CCDC33: variants seen among roughly 807,000 people sequenced by gnomAD.
CCDC33 encodes the protein coiled-coil domain-containing protein 33.
In CCDC33, 94 loss-of-function variants were observed where a neutral mutation model predicts 91.9. The observed-to-expected ratio is 1.02, with a 90% CI of 0.87 to 1.21. CCDC33 has a LOEUF of 1.21. CCDC33 is among the 50% of genes most tolerant of loss of function. The pLI is 0.00. For synonymous variants in CCDC33, 396 were observed against 374.5 expected, an observed-to-expected ratio of 1.06 and a Z score of -0.66; for missense variants, 940 against 935.5, an observed-to-expected ratio of 1.00 and a Z score of -0.06.
rs1566987067 is a variant in CCDC33 at position 74,271,737 on chromosome 15, A to G, written c.581A>G (p.Asn194Ser). 1.2e-6 allele frequency: 2 copies of G among 1,613,800 alleles called. No individual in the cohort carries two copies. Among genetic ancestry groups the G allele is most frequent in the East Asian group, 4.5e-5 (2 of 44,864 alleles). ...CGGGGAGTCAACGAGCCCCTGGCCA[A>G]CAACCCCAACCCCATAGTGGTGATT... ...FLRGVNEPLA[N>S]NPNPIVVIAR... Residue 194 changes from asparagine (N) to serine (S), a missense_variant, in exon 6 of 19, where the codon AAC (asparagine) becomes AGC (serine). By Grantham distance (46) the Asn-to-Ser change is conservative. Coordinates refer to ENST00000398814, the MANE Select transcript of CCDC33 (RefSeq NM_025055.5).
exon 3 of CCDC33, chr15:74,212,192 G>A (rs920096776): frequency 5.9e-5 from 9 of 152,436 alleles, no homozygotes; most frequent in Non-Finnish European, 1.0e-4. Flanking sequence ...AGAGTCTACA[G>A]GGCCCTGGGC....
In CCDC33 at chr15:74,330,972, A is replaced by C; in HGVS notation, c.1546-9A>C. On this transcript the variant is annotated splice_polypyrimidine_tract_variant and intron_variant, in intron 13 of 18. Transcript: ENST00000398814. ...ATTCTCTCCCCTTCTCTCCTCCCCC[A>C]TCTCACAGAAGAATGATCGAGAGAA... The C allele has an allele frequency of 6.3e-7, 1 of 1,576,648 alleles. No individual in the cohort carries two copies. The highest frequency in any genetic ancestry group is 8.6e-7 in the Non-Finnish European group (1 of 1,160,924).
At chr15:74,289,349 G>A (rs930079185) in intron 10 of CCDC33, among the ~76,000 whole-genome samples, 32 of 152,224 alleles carry the variant, frequency 2.1e-4, no homozygotes, top group African/African-American at 7.7e-4. Context: ...GCCAGAATGG[G>A]AAGGGCTGGA....
intron 11 of CCDC33, among the ~76,000 whole-genome samples, chr15:74,317,037 A>G (rs2930313): frequency 0.11 from 17,047 of 152,120 alleles, 1,087 homozygotes; most frequent in East Asian, 0.28. Flanking sequence ...ACTTGTCCCT[A>G]TTGTTCAGAG....
chr15:74,318,955 C>T (rs2060151373), intron 11 of CCDC33, among the ~76,000 whole-genome samples: 1 of 152,162 alleles, frequency 6.6e-6, no homozygotes, highest in South Asian at 2.1e-4. Flanking sequence ...CTAGTCTGGG[C>T]CCTACCTCTG....
At chr15:74,324,945 C>T (rs1462971024) in intron 11 of CCDC33, among the ~76,000 whole-genome samples, 1 of 149,870 alleles carries the variant, frequency 6.7e-6, no homozygotes, top group Non-Finnish European at 1.5e-5. Flanking sequence ...AGACTTCTCC[C>T]ACTCCTCCCC....
rs370815821 is a variant in CCDC33 at position 74,208,004 on chromosome 15, GC to G, written n.90-1381del. On this transcript the variant is annotated intron_variant and non_coding_transcript_variant, in intron 1 of 3. Transcript: ENST00000558645. ...GAGGGTCAGAAGCACCATCTGATGT[GC>G]CCTTCCTGCAATTCTCATGCCCCCC... 67 of 1,395,398 alleles carry G rather than the reference GC, an allele frequency of 4.8e-5. No homozygotes were observed. The East Asian group carries it at 8.4e-4, about 17-fold the overall frequency. The allele number at this position is 1,395,398 out of a possible 1,614,324, so 86.4% of individuals were successfully genotyped here.
rs201341676 is a variant in CCDC33, at chr15:74,330,990, C to T, written c.1555C>T (p.Arg519Ter). Residue 519 changes from arginine (R) to a stop codon, truncating the protein, a stop_gained, in exon 14 of 19, where the codon CGA becomes TGA. Transcript: ENST00000398814. LOFTEE classifies it high-confidence loss of function. ...CTCCCCCATCTCACAGAAGAATGAT[C>T]GAGAGAAGGAGCTGCTCCTTCTGTA... ...LQNELIRKND[R>*]EKELLLLYQA... 1.9e-6 allele frequency: 3 copies of T among 1,587,266 alleles called. No individual in the cohort carries two copies. The highest frequency in any genetic ancestry group is 2.3e-5 in the South Asian group (2 of 86,484).
At chr15:74,277,887 C>T (rs2076490713) in intron 7 of CCDC33, among the ~76,000 whole-genome samples, 1 of 152,196 alleles carries the variant, frequency 6.6e-6, no homozygotes, top group Non-Finnish European at 1.5e-5. Flanking sequence ...TAACCCTCTT[C>T]CAGGGTAGGA....
chr15:74,266,864 C>G (rs1039559587), intron 4 of CCDC33, 77 bp downstream of exon 4: 1 of 1,064,234 alleles, frequency 9.4e-7, no homozygotes, highest in African/African-American at 1.6e-5. Flanking sequence ...TCCCTCGGAG[C>G]AGCCCTGAGC....
chr15:74,296,743 G>T (rs1310258308), intron 11 of CCDC33, among the ~76,000 whole-genome samples: 1 of 152,208 alleles, frequency 6.6e-6, no homozygotes, highest in African/African-American at 2.4e-5. Context: ...GCTCAGGAAG[G>T]GCTGGTGGAG....
intron 3 of CCDC33, among the ~76,000 whole-genome samples, chr15:74,265,737 T>A (rs4886593): frequency 0.33 from 50,611 of 152,150 alleles, 10,067 homozygotes; most frequent in African/African-American, 0.53. Flanking sequence ...CTTAAAGTTT[T>A]TACCGGCCGG....
In CCDC33 at chr15:74,330,252, C is replaced by T. The variant is rs763934274; in HGVS notation, c.1354C>T (p.Gln452Ter). 1 of 1,613,038 alleles carries T rather than the reference C, an allele frequency of 6.2e-7. No individual in the cohort carries two copies. Among genetic ancestry groups the T allele is most frequent in the South Asian group, 1.1e-5 (1 of 91,020 alleles). Residue 452 changes from glutamine to a stop codon, truncating the protein, a stop_gained, in exon 12 of 19, where the codon CAG becomes TAG. Coordinates refer to ENST00000398814, the MANE Select transcript of CCDC33 (RefSeq NM_025055.5). LOFTEE classifies it high-confidence loss of function. ...AGAGGACATCCTGTCTCTGCGGAGACAGGCCAGCATCCTGGAAGGAGAGAA... is the reference window on the plus strand; with the variant it reads ...AGAGGACATCCTGTCTCTGCGGAGATAGGCCAGCATCCTGGAAGGAGAGAA... ...MAEDILSLRR[Q>*]ASILEGENRI...
chr15:74,272,793 C>T lies in CCDC33; in HGVS notation c.661C>T (p.Leu221=), dbSNP rs749962081. 3 of 1,614,084 alleles carry T rather than the reference C, an allele frequency of 1.9e-6. No individual in the cohort carries two copies. Among genetic ancestry groups the T allele is most frequent in the Non-Finnish European group, 2.5e-6 (3 of 1,180,040 alleles). ...EFKVSQANRD[L]ASVGLPITPL... is the part of the protein sequence containing the mutation. ...CAGGGTCAGCCAGGCTAACAGGGAC[C>T]TGGCCTCTGTGGGGCTGCCCATCAC... The change falls in exon 7 of 19, where the codon CTG becomes TTG. Residue 221 remains leucine, a synonymous_variant. Transcript: ENST00000398814.
chr15:74,264,418 A>G (rs2076112301), intron 3 of CCDC33, among the ~76,000 whole-genome samples: 1 of 152,174 alleles, frequency 6.6e-6, no homozygotes, highest in African/African-American at 2.4e-5. Flanking sequence ...TGTAGCATGG[A>G]GACAGGAGCA....
chr15:74,258,973 C>G (rs967460159), intron 2 of CCDC33, among the ~76,000 whole-genome samples: 1 of 152,186 alleles, frequency 6.6e-6, no homozygotes, highest in African/African-American at 2.4e-5. Context: ...ACACACCCTT[C>G]CAGCAGCCTG....
upstream of CCDC33, among the ~76,000 whole-genome samples, chr15:74,232,083 G>A (rs757527658): frequency 6.6e-6 from 1 of 152,120 alleles, no homozygotes; most frequent in Non-Finnish European, 1.5e-5. Flanking sequence ...ATGACATGGC[G>A]CAGGTCAACT....
intron 10 of CCDC33, among the ~76,000 whole-genome samples, chr15:74,286,048 C>G (rs369962720): frequency 7.2e-5 from 11 of 152,238 alleles, no homozygotes; most frequent in African/African-American, 2.6e-4. Context: ...GAATTCAAGA[C>G]CAGCCTGGCC....
chr15:74,234,206 T>C (rs2075073744), upstream of CCDC33, among the ~76,000 whole-genome samples: 1 of 152,200 alleles, frequency 6.6e-6, no homozygotes, highest in Non-Finnish European at 1.5e-5. Context: ...AGTGGCCACA[T>C]TTAACCCCTG....
Sources: allele counts gnomAD v4.1 joint callset (sites outside exome capture counted in the v4.1 genomes callset), GRCh38; gene constraint gnomAD v4.1.1; transcripts MANE v1.5; gene names NCBI Gene and HGNC (gene_info 2026-07-23, HGNC 2026-07-21).